The following TAS2R1 variants were observed in gnomAD, a reference collection of about 807,000 sequenced individuals.
TAS2R1 encodes the protein taste receptor type 2 member 1.
For synonymous variants in TAS2R1, 141 were observed against 134.2 expected (o/e 1.05, Z -0.35); for missense variants, 370 against 353.4 (o/e 1.05, Z -0.38).
In TAS2R1 at chr5:9,629,642, G is replaced by A. The variant is rs1739830242; in HGVS notation, c.391C>T (p.Leu131=). ...RISKLVPWMI[L]GSLLYVSMIC... is the part of the protein sequence containing the mutation. ...ATAGATACATATAGCAGAGACCCCA[G>A]GATCATCCATGGGACCAGCTTGGAT... The change falls in exon 1 of 1, where the codon CTG becomes TTG. Residue 131 remains leucine (L), a synonymous_variant. Transcript: ENST00000382492. The A allele has an allele frequency of 3.7e-6, 6 of 1,613,992 alleles. No individual in the cohort carries two copies. The South Asian group carries it at 6.6e-5, about 18-fold the overall frequency.
chr5:9,666,253 A>G (rs1740630076), intron 1 of TAS2R1, among the ~76,000 whole-genome samples: 1 of 152,184 alleles, frequency 6.6e-6, no homozygotes, highest in Non-Finnish European at 1.5e-5. Flanking sequence ...TCTAATTAAG[A>G]AAGAGTTACA....
chr5:9,691,215 G>C (rs972858590), intron 1 of TAS2R1, among the ~76,000 whole-genome samples: 1 of 152,186 alleles, frequency 6.6e-6, no homozygotes, highest in Non-Finnish European at 1.5e-5. Flanking sequence ...AGATAGACAG[G>C]GAGCAGAACA....
At chr5:9,776,068 C>T in the TAS2R1 span, among the ~76,000 whole-genome samples, 1 of 152,122 alleles carries the variant, frequency 6.6e-6, no homozygotes, top group Non-Finnish European at 1.5e-5. Flanking sequence ...GATTCAGAAC[C>T]CCAGAACACT....
At chr5:9,679,693 G>A (rs1740957143) in intron 1 of TAS2R1, among the ~76,000 whole-genome samples, 1 of 152,196 alleles carries the variant, frequency 6.6e-6, no homozygotes, top group Non-Finnish European at 1.5e-5. Context: ...AAACAAGGAG[G>A]AGGCTAGAAT....
At chr5:9,809,350 A>T in the TAS2R1 span, among the ~76,000 whole-genome samples, 3 of 152,192 alleles carry the variant, frequency 2.0e-5, no homozygotes, top group African/African-American at 7.2e-5. Flanking sequence ...CAAAATTCAT[A>T]TGTCAAAGGC....
chr5:9,807,497 G>A, the TAS2R1 span, among the ~76,000 whole-genome samples: 1 of 152,198 alleles, frequency 6.6e-6, no homozygotes, highest in African/African-American at 2.4e-5. Flanking sequence ...TATGGAACCA[G>A]CCCAAATGCC....
the TAS2R1 span, among the ~76,000 whole-genome samples, chr5:9,743,995 A>G: frequency 1.3e-5 from 2 of 152,192 alleles, no homozygotes; most frequent in Non-Finnish European, 2.9e-5. Context: ...AATGTATTCA[A>G]TTTTGTATTG....
chr5:9,902,252 T>C, the TAS2R1 span, among the ~76,000 whole-genome samples: 1 of 152,102 alleles, frequency 6.6e-6, no homozygotes, highest in African/African-American at 2.4e-5. Flanking sequence ...AACAGTATGC[T>C]ATTGAGGCAT....
chr5:9,659,901 C>T (rs966825612), intron 1 of TAS2R1: 1 of 152,162 alleles, frequency 6.6e-6, no homozygotes, highest in Non-Finnish European at 1.5e-5. Context: ...TCAGACTCAC[C>T]TCCCTGAGCC....
the TAS2R1 span, among the ~76,000 whole-genome samples, chr5:9,718,307 A>C: frequency 6.6e-6 from 1 of 152,224 alleles, no homozygotes; most frequent in Non-Finnish European, 1.5e-5. Flanking sequence ...TGGAAGAAAA[A>C]TTTGCAACAT....
chr5:9,800,237 G>A, the TAS2R1 span, among the ~76,000 whole-genome samples: 8 of 152,272 alleles, frequency 5.3e-5, no homozygotes, highest in East Asian at 1.9e-4. Context: ...ACAAAATTAC[G>A]CAGCCCAATA....
At chr5:9,883,527 T>C in the TAS2R1 span, among the ~76,000 whole-genome samples, 3 of 152,052 alleles carry the variant, frequency 2.0e-5, no homozygotes, top group Non-Finnish European at 4.4e-5. Flanking sequence ...GTAACAGTTA[T>C]TGGAGAGTTT....
chr5:9,665,966 C>T (rs1483374117), intron 1 of TAS2R1, among the ~76,000 whole-genome samples: 2 of 152,142 alleles, frequency 1.3e-5, no homozygotes, highest in Non-Finnish European at 2.9e-5. Context: ...TGTAGCCTTG[C>T]TAGGTTTCAA....
chr5:9,813,705 A>G, the TAS2R1 span, among the ~76,000 whole-genome samples: 2 of 152,210 alleles, frequency 1.3e-5, no homozygotes, highest in Admixed American at 6.5e-5. Context: ...AACTGTAAAT[A>G]AAGTCATATA....
chr5:9,850,393 A>C, the TAS2R1 span, among the ~76,000 whole-genome samples: 1 of 152,250 alleles, frequency 6.6e-6, no homozygotes, highest in African/African-American at 2.4e-5. Flanking sequence ...CATAATCAAA[A>C]AGTGATGGTA....
the TAS2R1 span, among the ~76,000 whole-genome samples, chr5:9,903,292 C>T: frequency 7.2e-5 from 11 of 152,174 alleles, no homozygotes; most frequent in African/African-American, 2.4e-4. Context: ...TAGCTTATTT[C>T]ATTTAACATA....
At chr5:9,661,298 T>C (rs1488093825) in intron 1 of TAS2R1, among the ~76,000 whole-genome samples, 4 of 152,238 alleles carry the variant, frequency 2.6e-5, no homozygotes, top group African/African-American at 9.6e-5. Flanking sequence ...CTAAACTTTC[T>C]ATACTAAAAG....
the TAS2R1 span, among the ~76,000 whole-genome samples, chr5:9,768,902 T>C: frequency 6.6e-6 from 1 of 152,198 alleles, no homozygotes; most frequent in Non-Finnish European, 1.5e-5. Context: ...TCAAACATCA[T>C]CTTTTCTTTG....
At chr5:9,805,134 G>GA in the TAS2R1 span, among the ~76,000 whole-genome samples, 5 of 151,914 alleles carry the variant, frequency 3.3e-5, no homozygotes, top group East Asian at 9.6e-4. Context: ...ACATAAACTA[G>GA]AAAACCTAGA....
Sources: gnomAD v4.1 joint callset for allele counts (sites outside exome capture counted in the v4.1 genomes callset) on GRCh38, gnomAD v4.1.1 for gene constraint, MANE v1.5 for transcripts, NCBI Gene and HGNC (gene_info 2026-07-23, HGNC 2026-07-21) for gene names.